The following TMEM196 variants were observed in gnomAD, a reference collection of about 807,000 sequenced individuals.
TMEM196 encodes transmembrane protein 196.
Under a neutral mutation model 20.0 loss-of-function variants are expected in TMEM196, and 17 were observed. The ratio of observed to expected loss-of-function variants is 0.85; its 90% CI spans 0.58 to 1.27. The LOEUF is 1.27. Ranked by LOEUF, TMEM196 falls within the 50% of genes most tolerant of loss-of-function variation. The pLI, the probability that TMEM196 is intolerant of heterozygous loss-of-function variation, is 0.00. For missense variants in TMEM196, 267 were observed against 223.0 expected (o/e 1.20, Z -1.26); for synonymous variants, 113 against 88.9 (o/e 1.27, Z -1.52).
chr7:19,729,916 A>T (rs1784134918), intron 1 of TMEM196, among the ~76,000 whole-genome samples: 1 of 152,098 alleles, frequency 6.6e-6, no homozygotes, highest in Admixed American at 6.5e-5. Flanking sequence ...TACAATGACA[A>T]CCTCCTTATT....
At chr7:19,765,253 T>A (rs1023848454) in intron 1 of TMEM196, among the ~76,000 whole-genome samples, 3 of 152,186 alleles carry the variant, frequency 2.0e-5, no homozygotes, top group Non-Finnish European at 4.4e-5. Context: ...ACCATTAATA[T>A]TTTCTTTTTG....
intron 1 of TMEM196, among the ~76,000 whole-genome samples, chr7:19,737,575 G>T (rs927155116): frequency 3.3e-5 from 5 of 151,842 alleles, no homozygotes; most frequent in African/African-American, 1.2e-4. Context: ...GCCATTCACT[G>T]ATATAAAAAA....
At chr7:19,750,252 G>A (rs944582673) in intron 1 of TMEM196, among the ~76,000 whole-genome samples, 8 of 152,256 alleles carry the variant, frequency 5.3e-5, no homozygotes, top group African/African-American at 1.9e-4. Context: ...CAAAAGATAA[G>A]TATGCAAAGT....
At chr7:19,737,945 G>A (rs1301078843) in intron 1 of TMEM196, among the ~76,000 whole-genome samples, 1 of 151,712 alleles carries the variant, frequency 6.6e-6, no homozygotes, top group Non-Finnish European at 1.5e-5. Context: ...AAAAATTAGG[G>A]GGTTAGGGAA....
At chr7:19,723,596 A>C (rs1015856037) in intron 4 of TMEM196, among the ~76,000 whole-genome samples, 1 of 152,170 alleles carries the variant, frequency 6.6e-6, no homozygotes, top group South Asian at 2.1e-4. Context: ...TTTGCAAAAA[A>C]ATTTGCAAAT....
chr7:19,735,206 A>G (rs1000134045), intron 1 of TMEM196, among the ~76,000 whole-genome samples: 3 of 152,206 alleles, frequency 2.0e-5, no homozygotes, highest in African/African-American at 7.2e-5. Context: ...TTTTTTAAAA[A>G]AAGATGCAAT....
intron 3 of TMEM196, among the ~76,000 whole-genome samples, chr7:19,724,904 A>G (rs1256006388): frequency 3.9e-5 from 6 of 152,218 alleles, no homozygotes; most frequent in Non-Finnish European, 1.5e-5. Context: ...GTCCTTTTAT[A>G]CAATTAATTT....
At chr7:19,745,159 A>G (rs1446378135) in intron 1 of TMEM196, among the ~76,000 whole-genome samples, 1 of 152,242 alleles carries the variant, frequency 6.6e-6, no homozygotes, top group East Asian at 1.9e-4. Flanking sequence ...CAAAGACAAT[A>G]TAAATGCTAC....
In TMEM196 at chr7:19,772,552, G is replaced by A. The variant is rs1338349166; in HGVS notation, c.145C>T (p.Pro49Ser). 6.5e-7 allele frequency: 1 copy of A among 1,542,646 alleles called. No homozygotes were observed. Among genetic ancestry groups the A allele is most frequent in the African/African-American group, 1.4e-5 (1 of 72,576 alleles). ...EHKPQLGDSSPFLLCGICGIL... is the reference protein window; with the variant it reads ...EHKPQLGDSSSFLLCGICGIL... ...CGTACACACACCCCGCTCCATACCG[G>A]GGACGAGTCTCCGAGCTGCGGCTTG... is the stretch of plus-strand genomic sequence containing the variant. Residue 49 changes from proline (P) to serine (S), a missense_variant and splice_region_variant, in exon 1 of 5, where the codon CCG (proline) becomes TCG (serine). By Grantham distance (74) the Pro-to-Ser change is moderately conservative (BLOSUM62 -1). Transcript: ENST00000405844.
At chr7:19,754,127 G>C (rs1025788521) in intron 1 of TMEM196, among the ~76,000 whole-genome samples, 1 of 152,154 alleles carries the variant, frequency 6.6e-6, no homozygotes, top group African/African-American at 2.4e-5. Flanking sequence ...CCATTTTCTG[G>C]CTGTGTGGCT....
chr7:19,749,406 GATTTGC>G (rs2128029527), intron 1 of TMEM196, among the ~76,000 whole-genome samples: 2 of 152,264 alleles, frequency 1.3e-5, no homozygotes, highest in East Asian at 3.9e-4. Flanking sequence ...AAGTGGGTGG[GATTTGC>G]ATTCACAAAA....
rs1783797034 is a variant in TMEM196, at chr7:19,721,057, A to G, written c.*1071T>C. On this transcript the variant is annotated 3_prime_UTR_variant, in exon 5 of 5. Transcript: ENST00000405844. ...TATAATCATAGTGAAATAGTCAAAT[A>G]AGTAGTCTATCTGTATACTACACTA... is the stretch of plus-strand genomic sequence containing the variant. 1 of 152,084 alleles carries G rather than the reference A, an allele frequency of 6.6e-6. No homozygotes were observed. Among genetic ancestry groups the G allele is most frequent in the Middle Eastern group, 3.4e-3 (1 of 294 alleles). The allele number at this position is 152,084 out of a possible 1,614,324, so 9.4% of individuals were successfully genotyped here.
At chr7:19,736,273 A>C (rs1337709646) in intron 1 of TMEM196, among the ~76,000 whole-genome samples, 3 of 145,938 alleles carry the variant, frequency 2.1e-5, no homozygotes, top group Admixed American at 6.9e-5. Flanking sequence ...CTTACATCAT[A>C]TCCTGGCTCA....
At chr7:19,759,609 C>A (rs1043349937) in intron 1 of TMEM196, among the ~76,000 whole-genome samples, 8 of 152,006 alleles carry the variant, frequency 5.3e-5, no homozygotes, top group African/African-American at 1.7e-4. Context: ...GATTCTTGAT[C>A]TCCCATCCTA....
At chr7:19,727,630 A>G (rs1562606582) in intron 2 of TMEM196, among the ~76,000 whole-genome samples, 1 of 152,148 alleles carries the variant, frequency 6.6e-6, no homozygotes, top group Non-Finnish European at 1.5e-5. Context: ...TTGGGGATAT[A>G]TTTTGGTGTT....
At chr7:19,728,401 G>A (rs962165678) in intron 2 of TMEM196, among the ~76,000 whole-genome samples, 18 of 151,974 alleles carry the variant, frequency 1.2e-4, no homozygotes, top group African/African-American at 4.3e-4. Context: ...TTTTTCTAAA[G>A]GTTTCATTTT....
chr7:19,771,956 G>C (rs1247533331), intron 1 of TMEM196, among the ~76,000 whole-genome samples: 1 of 152,182 alleles, frequency 6.6e-6, no homozygotes, highest in African/African-American at 2.4e-5. Context: ...TATCAGAAAT[G>C]TAGCAAAGGA....
intron 2 of TMEM196, among the ~76,000 whole-genome samples, chr7:19,727,879 A>G (rs558251674): frequency 1.3e-5 from 2 of 152,258 alleles, no homozygotes; most frequent in African/African-American, 4.8e-5. Context: ...TTCAAATTTC[A>G]CCAGGTTGGA....
chr7:19,736,386 TATATATATATATATAA>T (rs1784407862), intron 1 of TMEM196, among the ~76,000 whole-genome samples: 1 of 53,530 alleles, frequency 1.9e-5, no homozygotes, highest in African/African-American at 1.1e-4. Context: ...TATATATATA[TATATATATATATATAA>T]ATTATCTCTG....
Sources: gnomAD v4.1 joint callset for allele counts (sites outside exome capture counted in the v4.1 genomes callset) on GRCh38, gnomAD v4.1.1 for gene constraint, MANE v1.5 for transcripts, NCBI Gene and HGNC (gene_info 2026-07-23, HGNC 2026-07-21) for gene names.